RBPJ: variants seen among roughly 807,000 people sequenced by gnomAD.
RBPJ encodes recombination signal binding protein for immunoglobulin kappa J region, also known as recombining binding protein suppressor of hairless.
In RBPJ, 9 loss-of-function variants were observed where a neutral mutation model predicts 67.8. The observed-to-expected ratio is 0.13, with a 90% CI of 0.08 to 0.23. RBPJ has a LOEUF of 0.23. Among genes scored for constraint, RBPJ ranks in the 10% least tolerant of loss-of-function variants. RBPJ has a pLI of 1.00. For missense variants in RBPJ, 305 were observed against 595.6 expected (o/e 0.51, Z 5.08); for synonymous variants, 198 against 203.3 (o/e 0.97, Z 0.22).
chr4:26,190,039 C>A (rs1478429205), intron 1 of RBPJ, among the ~76,000 whole-genome samples: 1 of 152,194 alleles, frequency 6.6e-6, no homozygotes, highest in African/African-American at 2.4e-5. Flanking sequence ...ACCTGTGCAT[C>A]AGATAATAAT....
At chr4:26,337,423 GTTC>G (rs1390846796) in intron 1 of RBPJ, among the ~76,000 whole-genome samples, 5 of 151,898 alleles carry the variant, frequency 3.3e-5, no homozygotes, top group Admixed American at 1.3e-4. Context: ...GCAGCATATT[GTTC>G]TTCTTGTTGC....
intron 1 of RBPJ, among the ~76,000 whole-genome samples, chr4:26,283,038 C>T (rs1721330804): frequency 6.9e-6 from 1 of 144,682 alleles, no homozygotes; most frequent in Admixed American, 7.1e-5. Context: ...TCACACCATT[C>T]TCCTGCCTCA....
At chr4:26,124,124 G>T in the RBPJ span, among the ~76,000 whole-genome samples, 2 of 151,716 alleles carry the variant, frequency 1.3e-5, no homozygotes, top group African/African-American at 4.8e-5. Flanking sequence ...CCTTGGTGGC[G>T]ATTTGTGAGA....
At chr4:26,429,578 A>G (rs1426605985) in intron 8 of RBPJ, among the ~76,000 whole-genome samples, 1 of 152,222 alleles carries the variant, frequency 6.6e-6, no homozygotes, top group Non-Finnish European at 1.5e-5. Flanking sequence ...AGCCATTTAC[A>G]TCACAGATAT....
chr4:26,209,486 A>C (rs1001850014), intron 1 of RBPJ, among the ~76,000 whole-genome samples: 2 of 151,218 alleles, frequency 1.3e-5, no homozygotes, highest in African/African-American at 4.9e-5. Flanking sequence ...CTTAAAAAAC[A>C]ATCAAAATCT....
chr4:26,250,191 C>T (rs1720062136), intron 1 of RBPJ, among the ~76,000 whole-genome samples: 1 of 152,096 alleles, frequency 6.6e-6, no homozygotes, highest in African/African-American at 2.4e-5. Context: ...CTACTTTCTG[C>T]CCCTATGAGT....
intron 1 of RBPJ, among the ~76,000 whole-genome samples, chr4:26,184,874 G>C (rs1176309195): frequency 6.6e-6 from 1 of 152,176 alleles, no homozygotes; most frequent in Non-Finnish European, 1.5e-5. Context: ...GGGTGCGGTG[G>C]CTCATGCCTG....
At chr4:26,349,922 ATTTGT>A (rs1726619588) in intron 1 of RBPJ, among the ~76,000 whole-genome samples, 1 of 152,216 alleles carries the variant, frequency 6.6e-6, no homozygotes, top group Non-Finnish European at 1.5e-5. Flanking sequence ...TTCTACAGAA[ATTTGT>A]TTTATTTCGG....
chr4:26,142,874 C>T, the RBPJ span, among the ~76,000 whole-genome samples: 4 of 152,134 alleles, frequency 2.6e-5, no homozygotes, highest in African/African-American at 9.7e-5. Flanking sequence ...CTCTGCCTTC[C>T]AGGTTCAAGG....
intron 1 of RBPJ, among the ~76,000 whole-genome samples, chr4:26,298,306 G>T (rs1009077824): frequency 6.6e-6 from 1 of 152,158 alleles, no homozygotes; most frequent in Non-Finnish European, 1.5e-5. Flanking sequence ...ACATCCTGTG[G>T]TCTTGGAATT....
the RBPJ span, chr4:26,113,499 A>G: frequency 1.8e-6 from 1 of 552,806 alleles, no homozygotes; most frequent in Non-Finnish European, 3.5e-6. Context: ...TATGACTGTA[A>G]GCAATGTGGA....
chr4:26,263,537 A>G lies in RBPJ; in HGVS notation c.-166-98909A>G, dbSNP rs189369760. 8.3e-4 allele frequency among the ~76,000 whole-genome samples: 126 copies of G among 152,238 alleles called. 2 individuals are homozygous for G. The highest frequency in any genetic ancestry group is 4.2e-3 in the Admixed American group (64 of 15,282). ...GTGCAATTACATGATTGTTTCCTCC[A>G]CCAAATTTTAAGCTCTATGAGGACA... On this transcript the variant is annotated intron_variant, in intron 1 of 4. Transcript: ENST00000512351.
At chr4:26,201,828 A>T (rs1305041897) in intron 1 of RBPJ, among the ~76,000 whole-genome samples, 1 of 152,210 alleles carries the variant, frequency 6.6e-6, no homozygotes, top group African/African-American at 2.4e-5. Context: ...TTGCCCCCTG[A>T]GTCACACAAG....
intron 1 of RBPJ, among the ~76,000 whole-genome samples, chr4:26,228,603 A>T (rs1719160925): frequency 6.6e-6 from 1 of 152,242 alleles, no homozygotes; most frequent in African/African-American, 2.4e-5. Context: ...CTTCCAAAAA[A>T]CAAGATAGGA....
intron 1 of RBPJ, among the ~76,000 whole-genome samples, chr4:26,379,598 T>C (rs1730108839): frequency 6.6e-6 from 1 of 152,070 alleles, no homozygotes. Context: ...CTCACTATCA[T>C]GAGAACAGCA....
At chr4:26,130,667 A>T in the RBPJ span, among the ~76,000 whole-genome samples, 1 of 152,074 alleles carries the variant, frequency 6.6e-6, no homozygotes, top group Non-Finnish European at 1.5e-5. Flanking sequence ...AACTTCAATG[A>T]TCTACTCCTT....
At chr4:26,415,816 A>C (rs1393357137) in intron 4 of RBPJ, among the ~76,000 whole-genome samples, 176 bp downstream of exon 4, 1 of 152,156 alleles carries the variant, frequency 6.6e-6, no homozygotes. Flanking sequence ...GTCACTCATG[A>C]AGCTTACGCT....
the RBPJ span, among the ~76,000 whole-genome samples, chr4:26,116,168 C>T: frequency 1.3e-5 from 2 of 152,232 alleles, no homozygotes; most frequent in Non-Finnish European, 2.9e-5. Flanking sequence ...ACTGAAAATG[C>T]ACATCCACCG....
At chr4:26,190,703 C>G (rs938575658) in intron 1 of RBPJ, among the ~76,000 whole-genome samples, 5 of 152,046 alleles carry the variant, frequency 3.3e-5, no homozygotes, top group East Asian at 1.9e-4. Context: ...TACAGGGGAC[C>G]CTCTTTTGCT....
Sources: gnomAD v4.1 joint callset for allele counts (sites outside exome capture counted in the v4.1 genomes callset) on GRCh38, gnomAD v4.1.1 for gene constraint, MANE v1.5 for transcripts, NCBI Gene and HGNC (gene_info 2026-07-23, HGNC 2026-07-21) for gene names.